FLOT2: variants seen among roughly 807,000 people sequenced by gnomAD.
FLOT2 encodes flotillin 2, also known as flotillin-2.
In FLOT2, 35 loss-of-function variants were observed where a neutral mutation model predicts 54.9. The observed-to-expected ratio is 0.64, with a 90% confidence interval of 0.49 to 0.84. The LOEUF (loss-of-function observed/expected upper bound fraction) is 0.84. Among genes scored for constraint, FLOT2 ranks in the 40% least tolerant of loss-of-function variants. The pLI is 0.00. For missense variants in FLOT2, 464 were observed against 572.1 expected, an observed-to-expected ratio of 0.81 and a Z score of 1.93; for synonymous variants, 207 against 228.9, an observed-to-expected ratio of 0.90 and a Z score of 0.86.
At chr17:28,894,189 A>C (rs1033989868) in intron 1 of FLOT2, among the ~76,000 whole-genome samples, 13 of 152,168 alleles carry the variant, frequency 8.5e-5, no homozygotes, top group African/African-American at 2.9e-4. Flanking sequence ...CCTACTAGTC[A>C]AGAAGTCCAT....
chr17:28,892,265 C>T (rs931245918), intron 1 of FLOT2, among the ~76,000 whole-genome samples: 1 of 142,542 alleles, frequency 7.0e-6, no homozygotes, highest in Non-Finnish European at 1.5e-5. Context: ...GGGCTAGCCC[C>T]ATGGGACTTC....
chr17:28,884,295 G>A lies in FLOT2; in HGVS notation c.152C>T (p.Thr51Met), dbSNP rs753839776. Reference protein sequence around the residue: ...DTQRISLEIMTLQPRCEDVET... With the variant: ...DTQRISLEIMMLQPRCEDVET... ...TACGTCCTCGCAGCGGGGCTGCAAC[G>A]TCATAATCTCTAGGGAAATCCTGCC... Residue 51 changes from threonine (T) to methionine (M), a missense_variant, in exon 3 of 11, where the codon ACG becomes ATG. By Grantham distance (81) the Thr-to-Met change is moderately conservative. Transcript: ENST00000394908. The surrounding 1 kb of genome is among the most constrained non-coding windows in gnomAD (Gnocchi z 5.1). The A allele has an allele frequency of 6.2e-6, 10 of 1,611,582 alleles. No individual in the cohort carries two copies. Among genetic ancestry groups the A allele is most frequent in the South Asian group, 1.1e-5 (1 of 90,910 alleles).
rs748902001 is a variant in FLOT2 at position 28,897,080 on chromosome 17, CCT to C, written c.49+444_49+445del. Among the ~76,000 whole-genome samples the C allele has an allele frequency of 5.9e-5, 9 of 152,330 alleles. No individual in the cohort carries two copies. The highest frequency in any genetic ancestry group is 2.1e-4 in the South Asian group (1 of 4,826). On this transcript the variant is annotated intron_variant, in intron 1 of 10. Transcript: ENST00000394908. The surrounding 1 kb of genome is among the most constrained non-coding windows in gnomAD (Gnocchi z 4.4). ...CGGGTCTGACTGTGCCGAGAAACGA[CCT>C]CTGTTTCAGGGCCCCTCCCCATACA... is the stretch of plus-strand genomic sequence containing the variant.
At position 28,897,252 on chromosome 17, in the gene FLOT2, C is replaced by T. The variant is rs2152651652; in HGVS notation, c.49+274G>A. Reference sequence around the variant, plus strand: ...CGGGACCCCCAACCTCACAGTAGAGCGGCGGGGAGGCCCGCCTAGGGAGGG... The same window carrying T: ...CGGGACCCCCAACCTCACAGTAGAGTGGCGGGGAGGCCCGCCTAGGGAGGG... On this transcript the variant is annotated intron_variant, in intron 1 of 10. Coordinates refer to ENST00000394908, the MANE Select transcript of FLOT2 (RefSeq NM_004475.3). This position sits in a 1 kb window ranked among gnomAD's most constrained non-coding sequence, Gnocchi z 4.4. Among the ~76,000 whole-genome samples the T allele has an allele frequency of 6.6e-6, 1 of 152,356 alleles. No individual in the cohort carries two copies. The highest frequency in any genetic ancestry group is 2.4e-5 in the African/African-American group (1 of 41,596).
In FLOT2 at chr17:28,883,151, G is replaced by A. The variant is rs769141868; in HGVS notation, c.303C>T (p.Asn101=). ...GTCCCTCCAGGGTCTGCAGGACGAC[G>A]TTTTTGATGTCCTGCACATTCTTAC... ...FLGKNVQDIK[N]VVLQTLEGHL... Residue 101 remains asparagine, a synonymous_variant, in exon 4 of 11, where the codon AAC becomes AAT. Transcript: ENST00000394908. The surrounding 1 kb of genome is among the most constrained non-coding windows in gnomAD (Gnocchi z 5.0). 45 of 1,613,966 alleles carry A rather than the reference G, an allele frequency of 2.8e-5. No individual in the cohort carries two copies. Among genetic ancestry groups the A allele is most frequent in the Admixed American group, 5.0e-5 (3 of 59,998 alleles).
At position 28,882,169 on chromosome 17, in the gene FLOT2, C is replaced by G. The variant is rs377184819; in HGVS notation, c.648G>C (p.Lys216Asn). Residue 216 changes from lysine (K) to asparagine (N), a missense_variant, in exon 7 of 11, where the codon AAG becomes AAC. Lys to Asn is a moderately conservative substitution (Grantham distance 94). Transcript: ENST00000394908. This position sits in a 1 kb window ranked among gnomAD's most constrained non-coding sequence, Gnocchi z 5.6. ...FMADTKIADS[K>N]RAFELQKSAF... ...CTGACTTTTGCAGCTCGAAGGCTCGCTTAGAGTCAGCAATCTTGGTGTCTG... is the reference window on the plus strand; with the variant it reads ...CTGACTTTTGCAGCTCGAAGGCTCGGTTAGAGTCAGCAATCTTGGTGTCTG... 1.9e-6 allele frequency: 3 copies of G among 1,614,226 alleles called. No individual in the cohort carries two copies. The highest frequency in any genetic ancestry group is 2.5e-6 in the Non-Finnish European group (3 of 1,180,050).
At chr17:28,891,981 G>C (rs2039658867) in intron 1 of FLOT2, among the ~76,000 whole-genome samples, 1 of 152,182 alleles carries the variant, frequency 6.6e-6, no homozygotes, top group Non-Finnish European at 1.5e-5. Flanking sequence ...AGAGGTCCAG[G>C]GATCAAAGAG....
chr17:28,879,672 C>T lies in FLOT2; in HGVS notation c.*889G>A, dbSNP rs977127748. 4 of 985,940 alleles carry T rather than the reference C, an allele frequency of 4.1e-6. No homozygotes were observed. The African/African-American group carries it at 7.0e-5, about 17-fold the overall frequency. 61.1% of individuals were successfully genotyped at this position (985,940 alleles called of 1,614,324 possible). A position where few individuals can be genotyped will look rare whatever the true frequency, so the allele number is the denominator to read the frequency against. Reference sequence around the variant, plus strand: ...CACTCGATTCTGTACAGGGTTGGCACAGCCTTGTCCACCAGAAGGGCCCAA... The same window carrying T: ...CACTCGATTCTGTACAGGGTTGGCATAGCCTTGTCCACCAGAAGGGCCCAA... On this transcript the variant is annotated 3_prime_UTR_variant, in exon 11 of 11. Transcript: ENST00000394908.
Position 28,888,951 on chromosome 17 carries a change from G to GT in FLOT2, c.124dup (p.Thr42AsnfsTer48). 1 of 1,613,990 alleles carries GT rather than the reference G, an allele frequency of 6.2e-7. No individual in the cohort carries two copies. The highest frequency in any genetic ancestry group is 8.5e-7 in the Non-Finnish European group (1 of 1,179,882). On this transcript the variant is annotated frameshift_variant, in exon 2 of 11. Coordinates refer to ENST00000394908, the MANE Select transcript of FLOT2 (RefSeq NM_004475.3). LOFTEE classifies it high-confidence loss of function. Reference sequence around the variant, plus strand: ...AGAGCCCCCAGGTGCTTACCTCTGAGTGTCGGAGATACACCACCAGGCCCA... The same window carrying GT: ...AGAGCCCCCAGGTGCTTACCTCTGAGTTGTCGGAGATACACCACCAGGCCCA...
At chr17:28,881,106 G>A (rs1298346029) in intron 9 of FLOT2, 86 bp downstream of exon 9, 33 of 1,291,170 alleles carry the variant, frequency 2.6e-5, no homozygotes, top group East Asian at 4.9e-5. Flanking sequence ...TGTGTTACTC[G>A]CAAGGCCCAG....
chr17:28,893,750 A>G (rs2039692201), intron 1 of FLOT2, among the ~76,000 whole-genome samples: 1 of 152,250 alleles, frequency 6.6e-6, no homozygotes, highest in South Asian at 2.1e-4. Context: ...AAATCAACTC[A>G]TAACTTAGAA....
chr17:28,884,150 C>A lies in FLOT2; in HGVS notation c.222+75G>T. 1 of 1,123,360 alleles carries A rather than the reference C, an allele frequency of 8.9e-7. No homozygotes were observed. The allele number at this position is 1,123,360 out of a possible 1,614,324, so 69.6% of individuals were successfully genotyped here. A position where few individuals can be genotyped will look rare whatever the true frequency, so the allele number is the denominator to read the frequency against. On this transcript the variant is annotated intron_variant, in intron 3 of 10. Coordinates refer to ENST00000394908, the MANE Select transcript of FLOT2 (RefSeq NM_004475.3). This position sits in a 1 kb window ranked among gnomAD's most constrained non-coding sequence, Gnocchi z 5.1. The stretch of plus-strand genomic sequence containing the variant: ...AGAGACTGCCCCTGGCTGCTGTCCT[C>A]TCCTCCTCCCCCCGAACCCGAGTAC...
intron 1 of FLOT2, among the ~76,000 whole-genome samples, chr17:28,889,658 G>C (rs906227199): frequency 6.9e-6 from 1 of 144,784 alleles, no homozygotes. Context: ...GGTTTTTCTG[G>C]AGATGGAGTT....
At position 28,881,192 on chromosome 17, in the gene FLOT2, C is replaced by G; in HGVS notation, c.1098G>C (p.Gln366His). 3.1e-6 allele frequency: 5 copies of G among 1,613,018 alleles called. No homozygotes were observed. The highest frequency in any genetic ancestry group is 3.4e-6 in the Non-Finnish European group (4 of 1,179,444). Residue 366 changes from glutamine (Q) to histidine (H), a missense_variant and splice_region_variant, in exon 9 of 11, where the codon CAG (glutamine) becomes CAC (histidine). By Grantham distance (24) the Gln-to-His change is conservative. Transcript: ENST00000394908. ...KMALVLEALP[Q>H]IAAKIAAPLT... ...GGACCCGCTTGGGTGGAAGCCTCACCTGGGGCAGGGCCTCTAGCACCAAGG... is the reference window on the plus strand; with the variant it reads ...GGACCCGCTTGGGTGGAAGCCTCACGTGGGGCAGGGCCTCTAGCACCAAGG...
In FLOT2 at chr17:28,884,425, G is replaced by A. The variant is rs1018320729; in HGVS notation, c.132-110C>T. 7.5e-6 allele frequency: 5 copies of A among 668,770 alleles called. No homozygotes were observed. In the African/African-American group the frequency reaches 9.0e-5, roughly 12 times the overall value. The allele number at this position is 668,770 out of a possible 1,614,324, so 41.4% of individuals were successfully genotyped here. ...CGGCTGGGTCCTGGTGAGGAAGGTGGAGGGAGGACTCTCCACGGGGCTGAG... is the reference window on the plus strand; with the variant it reads ...CGGCTGGGTCCTGGTGAGGAAGGTGAAGGGAGGACTCTCCACGGGGCTGAG... On this transcript the variant is annotated intron_variant, in intron 2 of 10. Coordinates refer to ENST00000394908, the MANE Select transcript of FLOT2 (RefSeq NM_004475.3). The surrounding 1 kb of genome is among the most constrained non-coding windows in gnomAD (Gnocchi z 5.1).
chr17:28,895,969 C>G (rs1287263777), intron 1 of FLOT2, among the ~76,000 whole-genome samples: 1 of 152,090 alleles, frequency 6.6e-6, no homozygotes, highest in Admixed American at 6.5e-5. Flanking sequence ...GCTCTGCTCT[C>G]GCAGGAGTCC....
At chr17:28,891,861 CAGTGGGGA>C (rs1231958959) in intron 1 of FLOT2, among the ~76,000 whole-genome samples, 1 of 152,172 alleles carries the variant, frequency 6.6e-6, no homozygotes, top group Admixed American at 6.5e-5. Flanking sequence ...ACCTCACCCC[CAGTGGGGA>C]GGGCTTGAAA....
intron 2 of FLOT2, among the ~76,000 whole-genome samples, chr17:28,888,016 G>A: frequency 6.6e-6 from 1 of 152,182 alleles, no homozygotes; most frequent in East Asian, 1.9e-4. Context: ...GACGTGAGCT[G>A]CTGACGGGTG....
rs2039463520 is a variant in FLOT2 at position 28,882,188 on chromosome 17, G to A, written c.629C>T (p.Thr210Ile). Residue 210 changes from threonine to isoleucine, a missense_variant, in exon 7 of 11, where the codon ACC (threonine) becomes ATC (isoleucine). Thr to Ile is a moderately conservative substitution (Grantham distance 89, BLOSUM62 -1). Coordinates refer to ENST00000394908, the MANE Select transcript of FLOT2 (RefSeq NM_004475.3). This position sits in a 1 kb window ranked among gnomAD's most constrained non-coding sequence, Gnocchi z 5.6. ...GGCTCGCTTAGAGTCAGCAATCTTG[G>A]TGTCTGCCATGAACTTCACATCCAG... is the stretch of plus-strand genomic sequence containing the variant. ...EMLDVKFMAD[T>I]KIADSKRAFE... The A allele has an allele frequency of 5.0e-6, 8 of 1,614,182 alleles. No individual in the cohort carries two copies. In the East Asian group the frequency reaches 1.6e-4, roughly 31 times the overall value.
Sources: gnomAD v4.1 joint callset for allele counts (sites outside exome capture counted in the v4.1 genomes callset) on GRCh38, gnomAD v4.1.1 for gene constraint, Gnocchi (gnomAD v3.1) non-coding constraint, MANE v1.5 for transcripts, NCBI Gene and HGNC (gene_info 2026-07-23, HGNC 2026-07-21) for gene names.